The following USP12 variants were observed in gnomAD, a reference collection of about 807,000 sequenced individuals.
USP12 encodes ubiquitin carboxyl-terminal hydrolase 12.
USP12 carries 19 observed loss-of-function variants against 45.5 expected under a neutral mutation model. The observed-to-expected ratio is 0.42, with a 90% CI of 0.29 to 0.61. The LOEUF (loss-of-function observed/expected upper bound fraction) is 0.61, where lower values mean the gene tolerates loss of function less well. Ranked by LOEUF, USP12 falls within the 20% of genes least tolerant of loss-of-function variation. USP12 has a pLI of 0.22. For synonymous variants in USP12, 149 were observed against 148.8 expected, an observed-to-expected ratio of 1.00 and a Z score of -0.01; for missense variants, 242 against 447.7, an observed-to-expected ratio of 0.54 and a Z score of 4.15.
chr13:27,147,048 G>A (rs1790185155), intron 1 of USP12, among the ~76,000 whole-genome samples: 2 of 152,216 alleles, frequency 1.3e-5, no homozygotes, highest in African/African-American at 4.8e-5. Context: ...CACCTTCAGA[G>A]AGGGCATGGT....
chr13:27,088,404 G>T (rs986314495), intron 6 of USP12, among the ~76,000 whole-genome samples: 1 of 121,760 alleles, frequency 8.2e-6, no homozygotes, highest in Non-Finnish European at 1.6e-5. Flanking sequence ...GCGACAGAGC[G>T]AGACTCCGTC....
intron 7 of USP12, among the ~76,000 whole-genome samples, chr13:27,074,517 G>C (rs1873391061): frequency 6.6e-6 from 1 of 152,122 alleles, no homozygotes; most frequent in Non-Finnish European, 1.5e-5. Flanking sequence ...CAAAACCAAG[G>C]GGAAAATGAT....
chr13:27,170,826 G>A (rs950978295), intron 1 of USP12, among the ~76,000 whole-genome samples: 1 of 152,242 alleles, frequency 6.6e-6, no homozygotes, highest in Non-Finnish European at 1.5e-5. Flanking sequence ...CAAGATTAAC[G>A]TGCATTCCCA....
chr13:27,161,568 T>C (rs1163446067), intron 1 of USP12, among the ~76,000 whole-genome samples: 7 of 152,168 alleles, frequency 4.6e-5, no homozygotes, highest in African/African-American at 1.7e-4. Flanking sequence ...TAATAGGGAA[T>C]TGCAGTGTTT....
At chr13:27,084,434 A>G (rs1873913623) in intron 6 of USP12, among the ~76,000 whole-genome samples, 1 of 142,274 alleles carries the variant, frequency 7.0e-6, no homozygotes, top group East Asian at 2.1e-4. Context: ...TGAACCCGGG[A>G]GCTGGAGGTT....
intron 1 of USP12, among the ~76,000 whole-genome samples, chr13:27,132,337 A>G (rs1876541312): frequency 6.6e-6 from 1 of 152,228 alleles, no homozygotes; most frequent in Non-Finnish European, 1.5e-5. Context: ...AGTAACTTCA[A>G]ACAAGAAAAT....
chr13:27,158,544 C>A (rs1474603910), intron 1 of USP12, among the ~76,000 whole-genome samples: 1 of 152,164 alleles, frequency 6.6e-6, no homozygotes, highest in South Asian at 2.1e-4. Flanking sequence ...CACACTTAGG[C>A]TATGTGGTCT....
chr13:27,151,315 A>G (rs1332400056), intron 1 of USP12, among the ~76,000 whole-genome samples: 1 of 152,220 alleles, frequency 6.6e-6, no homozygotes, highest in African/African-American at 2.4e-5. Flanking sequence ...TGTCTCCCAA[A>G]AAAAAGGAAA....
At chr13:27,082,346 A>G (rs888498647) in intron 6 of USP12, among the ~76,000 whole-genome samples, 1 of 152,196 alleles carries the variant, frequency 6.6e-6, no homozygotes, top group African/African-American at 2.4e-5. Flanking sequence ...TTTCTTCTGC[A>G]GCTTCCTTAC....
chr13:27,096,899 A>C (rs181748202), intron 3 of USP12, among the ~76,000 whole-genome samples: 8 of 152,362 alleles, frequency 5.3e-5, no homozygotes, highest in Admixed American at 4.6e-4. Flanking sequence ...AAATTTAGGG[A>C]AAGTCTAAGA....
At chr13:27,089,631 T>A in intron 6 of USP12, 1 of 340,948 alleles carries the variant, frequency 2.9e-6, no homozygotes, top group Non-Finnish European at 5.4e-6. Context: ...CCAAATATTT[T>A]AACTGTACTG....
intron 6 of USP12, among the ~76,000 whole-genome samples, chr13:27,086,174 TAAAAAAAAAAA>T (rs138475761): frequency 7.0e-4 from 51 of 72,348 alleles, no homozygotes; most frequent in African/African-American, 2.2e-3. Flanking sequence ...TTTGTCTCTT[TAAAAAAAAAAA>T]AAAAAAAAAA....
intron 1 of USP12, among the ~76,000 whole-genome samples, chr13:27,134,536 C>CCT (rs1876701212): frequency 6.6e-6 from 1 of 151,806 alleles, no homozygotes; most frequent in Non-Finnish European, 1.5e-5. Context: ...AATCAGGTCC[C>CCT]CTAAAGTCTT....
chr13:27,117,338 T>C (rs1348750365), intron 1 of USP12, among the ~76,000 whole-genome samples: 2 of 152,114 alleles, frequency 1.3e-5, no homozygotes, highest in Admixed American at 1.3e-4. Context: ...TAAATATAAA[T>C]ATGCACATGC....
intron 1 of USP12, among the ~76,000 whole-genome samples, chr13:27,150,325 T>C (rs1877511307): frequency 6.6e-6 from 1 of 152,004 alleles, no homozygotes; most frequent in African/African-American, 2.4e-5. Flanking sequence ...GCATTCAAAA[T>C]GATTTAAATA....
intron 6 of USP12, chr13:27,077,721 G>A (rs1338922325): frequency 2.0e-5 from 3 of 152,116 alleles, no homozygotes; most frequent in African/African-American, 2.4e-5. Context: ...TTGAACATAC[G>A]TGTAAGGAGT....
At chr13:27,113,051 T>C (rs902493470) in intron 2 of USP12, among the ~76,000 whole-genome samples, 2 of 152,076 alleles carry the variant, frequency 1.3e-5, no homozygotes, top group African/African-American at 4.8e-5. Flanking sequence ...ATGGGCAATA[T>C]AGTGAGACCC....
intron 7 of USP12, among the ~76,000 whole-genome samples, chr13:27,074,742 T>C (rs1041578664): frequency 6.6e-6 from 1 of 152,214 alleles, no homozygotes; most frequent in Non-Finnish European, 1.5e-5. Context: ...CAAAATTGGC[T>C]AATAAGAAAT....
At chr13:27,156,197 CT>C (rs1877834216) in intron 1 of USP12, among the ~76,000 whole-genome samples, 1 of 143,922 alleles carries the variant, frequency 6.9e-6, no homozygotes, top group Non-Finnish European at 1.5e-5. Context: ...TCCACCACCA[CT>C]TGTACCTCAA....
Sources: gnomAD v4.1 joint callset for allele counts (sites outside exome capture counted in the v4.1 genomes callset) on GRCh38, gnomAD v4.1.1 for gene constraint, MANE v1.5 for transcripts, NCBI Gene and HGNC (gene_info 2026-07-23, HGNC 2026-07-21) for gene names.